Variants in TAF4B observed in about 807,000 individuals in gnomAD.
TAF4B encodes transcription initiation factor TFIID subunit 4B.
In TAF4B, 38 loss-of-function variants were observed where a neutral mutation model predicts 86.4. The ratio of observed to expected loss-of-function variants is 0.44; its 90% CI spans 0.34 to 0.58. The LOEUF (loss-of-function observed/expected upper bound fraction) is 0.58, where lower values mean the gene tolerates loss of function less well. Among genes scored for constraint, TAF4B ranks in the 20% least tolerant of loss-of-function variants. The pLI is 0.02. For missense variants in TAF4B, 988 were observed against 1,027.6 expected, an observed-to-expected ratio of 0.96 and a Z score of 0.53; for synonymous variants, 388 against 391.2, an observed-to-expected ratio of 0.99 and a Z score of 0.10.
chr18:26,286,666 T>G (rs2056528036), intron 7 of TAF4B, among the ~76,000 whole-genome samples, 167 bp downstream of exon 7: 1 of 151,748 alleles, frequency 6.6e-6, no homozygotes, highest in South Asian at 2.1e-4. Context: ...CTCTTTCTAC[T>G]CACACCCACA....
rs2057094999 is a variant in TAF4B, at chr18:26,336,722, C to T, written c.2316+1491C>T. Among the ~76,000 whole-genome samples the T allele has an allele frequency of 2.6e-5, 4 of 152,190 alleles. 1 individual carries two copies. The highest frequency in any genetic ancestry group is 2.6e-4 in the Admixed American group (4 of 15,280). ...TTTAGGGATGGGCAACCTACTGTTG[C>T]TCTGAATCATGGGTATCCCACCTTG... On this transcript the variant is annotated intron_variant, in intron 13 of 14. Transcript: ENST00000269142.
intron 1 of TAF4B, among the ~76,000 whole-genome samples, chr18:26,239,438 GT>G (rs1053495765): frequency 1.3e-5 from 2 of 151,806 alleles, no homozygotes; most frequent in Non-Finnish European, 2.9e-5. Context: ...GATGGGGTTT[GT>G]TTTTTTCTTG....
chr18:26,234,961 C>G (rs184617251), intron 1 of TAF4B, among the ~76,000 whole-genome samples: 1 of 152,160 alleles, frequency 6.6e-6, no homozygotes, highest in Admixed American at 6.6e-5. Context: ...AGATGGCCAC[C>G]GCTGCAACTA....
At chr18:26,326,290 G>A (rs2057004521) in intron 11 of TAF4B, among the ~76,000 whole-genome samples, 1 of 152,172 alleles carries the variant, frequency 6.6e-6, no homozygotes. Flanking sequence ...TACATCCACA[G>A]AATAGATTGA....
At chr18:26,305,011 TTTTG>T (rs1226221114) in intron 9 of TAF4B, 19 of 537,852 alleles carry the variant, frequency 3.5e-5, no homozygotes, top group Admixed American at 6.4e-5. Context: ...TCTCCTAGTT[TTTTG>T]TTTAACTTGG....
At position 26,227,078 on chromosome 18, in the gene TAF4B, C is replaced by A. The variant is rs761673468; in HGVS notation, c.145C>A (p.Pro49Thr). The change falls in exon 1 of 15, where the codon CCT becomes ACT. Residue 49 changes from proline to threonine, a missense_variant. By Grantham distance (38) the Pro-to-Thr change is conservative (BLOSUM62 -1). Around this residue, in one of 3 missense-constraint regions of TAF4B, gnomAD observed 747 missense variants for 737.9 expected, o/e 1.01. Coordinates refer to ENST00000269142, the MANE Select transcript of TAF4B (RefSeq NM_005640.3). ...GGCCCTGGGCGCCGTGACTAAGGCT[C>A]CTGTCAGCGTCTGCGTGGAGCCCAC... ...PVALGAVTKA[P>T]VSVCVEPTAS... is the part of the protein sequence containing the mutation. 3.1e-6 allele frequency: 5 copies of A among 1,606,340 alleles called. No individual in the cohort carries two copies. In the Admixed American group the frequency reaches 8.4e-5, roughly 27 times the overall value.
intron 1 of TAF4B, among the ~76,000 whole-genome samples, chr18:26,251,298 A>G (rs1395136851): frequency 6.6e-6 from 1 of 152,194 alleles, no homozygotes; most frequent in African/African-American, 2.4e-5. Flanking sequence ...GTGACTAGTG[A>G]GGCATTCTGT....
chr18:26,320,949 A>G, intron 10 of TAF4B, 121 bp from the exon 11 acceptor site: 2 of 1,220,426 alleles, frequency 1.6e-6, no homozygotes, highest in Non-Finnish European at 2.3e-6. Context: ...GAAAATCATA[A>G]TCTCCAAACC....
At chr18:26,306,744 G>A (rs2056798589) in intron 9 of TAF4B, among the ~76,000 whole-genome samples, 1 of 151,744 alleles carries the variant, frequency 6.6e-6, no homozygotes, top group Non-Finnish European at 1.5e-5. Flanking sequence ...TTGCTTCCCT[G>A]GATACTTACA....
At chr18:26,359,529 T>A (rs1320177969) in intron 14 of TAF4B, among the ~76,000 whole-genome samples, 3 of 152,220 alleles carry the variant, frequency 2.0e-5, no homozygotes, top group African/African-American at 4.8e-5. Context: ...AGTAGAACTG[T>A]GTCCTGTATA....
rs887291244 is a variant in TAF4B, at chr18:26,265,000, C to G, written c.344-170C>G. ...TCATAGATTTTAAATTTTTAAATAG[C>G]TTGGAGTAAAAACATTTGTTCATCT... On this transcript the variant is annotated intron_variant, in intron 1 of 14. Coordinates refer to ENST00000269142, the MANE Select transcript of TAF4B (RefSeq NM_005640.3). 2.0e-5 allele frequency among the ~76,000 whole-genome samples: 3 copies of G among 152,122 alleles called. No homozygotes were observed. In the East Asian group the frequency reaches 5.8e-4, roughly 29 times the overall value.
At chr18:26,288,902 C>T (rs1657325833) in intron 7 of TAF4B, among the ~76,000 whole-genome samples, 1 of 151,988 alleles carries the variant, frequency 6.6e-6, no homozygotes, top group Non-Finnish European at 1.5e-5. Flanking sequence ...TACTTCCTAC[C>T]TTCATTTTTA....
At chr18:26,301,082 A>C (rs2056726767) in intron 9 of TAF4B, among the ~76,000 whole-genome samples, 1 of 152,216 alleles carries the variant, frequency 6.6e-6, no homozygotes, top group Middle Eastern at 3.4e-3. Flanking sequence ...GCCTTTATTA[A>C]GTCTCCAAAT....
intron 9 of TAF4B, among the ~76,000 whole-genome samples, chr18:26,305,624 C>T (rs942322764): frequency 1.3e-5 from 2 of 152,162 alleles, no homozygotes; most frequent in Non-Finnish European, 2.9e-5. Context: ...CCAGGCCAGT[C>T]TCAAACTCCT....
intron 9 of TAF4B, among the ~76,000 whole-genome samples, chr18:26,311,411 G>GCC (rs1255214353): frequency 6.6e-6 from 1 of 152,154 alleles, no homozygotes; most frequent in Non-Finnish European, 1.5e-5. Flanking sequence ...GAGGCAGGCA[G>GCC]ATCACCTGAG....
At chr18:26,285,518 A>G (rs1044838512) in intron 6 of TAF4B, among the ~76,000 whole-genome samples, 1 of 151,954 alleles carries the variant, frequency 6.6e-6, no homozygotes, top group African/African-American at 2.4e-5. Context: ...CTTAATGAAG[A>G]GACCTAGATT....
chr18:26,297,687 A>G (rs547822887), intron 9 of TAF4B, among the ~76,000 whole-genome samples: 5 of 152,170 alleles, frequency 3.3e-5, no homozygotes, highest in African/African-American at 1.2e-4. Flanking sequence ...TTGCTGAGTA[A>G]TATTTTATTA....
intron 1 of TAF4B, among the ~76,000 whole-genome samples, chr18:26,259,259 G>A (rs1416044075): frequency 6.8e-6 from 1 of 146,204 alleles, no homozygotes; most frequent in Non-Finnish European, 1.5e-5. Flanking sequence ...GGTGTTCCAT[G>A]TTTTCTGAGA....
At position 26,231,034 on chromosome 18, in the gene TAF4B, C is replaced by CTTTTTTTT. The variant is rs536863843; in HGVS notation, c.343+3776_343+3783dup. ...GACAAACTTGTGGTGTGTTGTTTTG[C>CTTTTTTTT]TTTTTTTTTTTTTTTTTTTTTTTTT... On this transcript the variant is annotated intron_variant, in intron 1 of 14. Coordinates refer to ENST00000269142, the MANE Select transcript of TAF4B (RefSeq NM_005640.3). 8.2e-3 allele frequency among the ~76,000 whole-genome samples: 539 copies of CTTTTTTTT among 66,114 alleles called. 29 individuals are homozygous for CTTTTTTTT. Among genetic ancestry groups the CTTTTTTTT allele is most frequent in the Non-Finnish European group, 9.5e-3 (339 of 35,524 alleles). The allele number at this position is 66,114 out of a possible 152,430, so 43.4% of individuals were successfully genotyped here.
Sources: allele counts gnomAD v4.1 joint callset (sites outside exome capture counted in the v4.1 genomes callset), GRCh38; gene constraint gnomAD v4.1.1; regional missense constraint gnomAD v4.1.1; transcripts MANE v1.5; gene names NCBI Gene and HGNC (gene_info 2026-07-23, HGNC 2026-07-21).